CEP128: variants seen among roughly 807,000 people sequenced by gnomAD.
CEP128 encodes the protein centrosomal protein 128.
Under a neutral mutation model 156.7 loss-of-function variants are expected in CEP128, and 132 were observed. That is an observed-to-expected ratio of 0.84 (90% confidence interval 0.73 to 0.97). The LOEUF (loss-of-function observed/expected upper bound fraction) is 0.97. Among genes scored for constraint, CEP128 ranks in the 50% least tolerant of loss-of-function variants. The probability of loss-of-function intolerance (pLI) is 0.00; values close to 1 mark genes in which losing one functional copy is unlikely to be tolerated. For missense variants in CEP128, 1,252 were observed against 1,281.9 expected, an observed-to-expected ratio of 0.98 and a Z score of 0.36; for synonymous variants, 469 against 448.9, an observed-to-expected ratio of 1.04 and a Z score of -0.57.
chr14:80,933,972 G>A (rs1427110141), intron 2 of CEP128, among the ~76,000 whole-genome samples: 2 of 152,194 alleles, frequency 1.3e-5, no homozygotes, highest in Non-Finnish European at 2.9e-5. Context: ...TCTGATGCCA[G>A]GGAGGTCCGA....
chr14:80,859,655 C>T (rs1163749970), intron 9 of CEP128, among the ~76,000 whole-genome samples: 1 of 152,042 alleles, frequency 6.6e-6, no homozygotes, highest in Non-Finnish European at 1.5e-5. Context: ...GATTCCTGGG[C>T]GTGCATGGCC....
chr14:80,769,925 A>G (rs1325261559), intron 16 of CEP128, among the ~76,000 whole-genome samples: 1 of 152,232 alleles, frequency 6.6e-6, no homozygotes, highest in African/African-American at 2.4e-5. Flanking sequence ...TGAAACAGAT[A>G]TGATACAGAA....
In CEP128 at chr14:80,550,812, T is replaced by G. The variant is rs890685550; in HGVS notation, c.2880+8467A>C. ...GAGAAAGATTATTAAATGTGAAATG[T>G]AAAAAAAAAAAAAAAAAATCCAAAG... On this transcript the variant is annotated intron_variant, in intron 21 of 24. Transcript: ENST00000555265. Among the ~76,000 whole-genome samples the G allele has an allele frequency of 1.9e-3, 263 of 137,170 alleles. 1 individual carries two copies. Among genetic ancestry groups the G allele is most frequent in the Non-Finnish European group, 2.9e-3 (180 of 62,252 alleles). 90.0% of individuals were successfully genotyped at this position (137,170 alleles called of 152,430 possible). A position where few individuals can be genotyped will look rare whatever the true frequency, so the allele number is the denominator to read the frequency against.
chr14:80,515,012 A>T (rs530428990), intron 23 of CEP128, among the ~76,000 whole-genome samples: 42 of 152,208 alleles, frequency 2.8e-4, no homozygotes, highest in Non-Finnish European at 5.4e-4. Flanking sequence ...GGTCTTGAAT[A>T]AGATCCATGA....
intron 1 of CEP128, among the ~76,000 whole-genome samples, chr14:80,940,635 C>T (rs1399057685): frequency 3.3e-5 from 5 of 150,930 alleles, no homozygotes; most frequent in African/African-American, 1.2e-4. Context: ...GCCCAGACCG[C>T]GCCACTGCAG....
At chr14:80,824,677 AC>A (rs1482348019) in intron 13 of CEP128, among the ~76,000 whole-genome samples, 2 of 152,152 alleles carry the variant, frequency 1.3e-5, no homozygotes, top group Non-Finnish European at 2.9e-5. Flanking sequence ...GGACCACCTC[AC>A]CCTGGACTTT....
At chr14:80,811,545 T>C (rs150835061) in intron 13 of CEP128, among the ~76,000 whole-genome samples, 1 of 152,296 alleles carries the variant, frequency 6.6e-6, no homozygotes, top group African/African-American at 2.4e-5. Context: ...GCTTTATTGG[T>C]ACCTGTTGCT....
intron 8 of CEP128, among the ~76,000 whole-genome samples, chr14:80,885,733 C>T (rs973952705): frequency 1.3e-5 from 2 of 152,086 alleles, no homozygotes; most frequent in Non-Finnish European, 2.9e-5. Flanking sequence ...TCCAAATGAT[C>T]GCAACTCCTC....
intron 13 of CEP128, among the ~76,000 whole-genome samples, chr14:80,805,202 G>A (rs994760331): frequency 2.0e-5 from 3 of 151,836 alleles, no homozygotes; most frequent in African/African-American, 7.3e-5. Context: ...TCTAGGTTTT[G>A]GGATAAAAAT....
intron 19 of CEP128, among the ~76,000 whole-genome samples, chr14:80,676,171 T>C (rs143143991): frequency 6.6e-6 from 1 of 152,262 alleles, no homozygotes; most frequent in African/African-American, 2.4e-5. Flanking sequence ...TGATACACAG[T>C]CCTTCTATTC....
chr14:80,594,724 C>T (rs573860896), intron 19 of CEP128, among the ~76,000 whole-genome samples: 15 of 152,282 alleles, frequency 9.9e-5, no homozygotes, highest in African/African-American at 3.1e-4. Flanking sequence ...TGAAAAAAAG[C>T]TCATCATCAC....
chr14:80,854,919 G>A (rs1170286263), intron 9 of CEP128, among the ~76,000 whole-genome samples: 3 of 151,860 alleles, frequency 2.0e-5, no homozygotes, highest in Admixed American at 2.0e-4. Flanking sequence ...ATAAATAATC[G>A]GGGACAAAGC....
intron 2 of CEP128, among the ~76,000 whole-genome samples, chr14:80,926,638 T>C (rs915302122): frequency 6.6e-6 from 1 of 152,098 alleles, no homozygotes; most frequent in South Asian, 2.1e-4. Flanking sequence ...CCTGAGACAC[T>C]AGAATACCTC....
intron 13 of CEP128, chr14:80,830,268 A>AT (rs1885718012): frequency 3.2e-6 from 2 of 629,578 alleles, no homozygotes; most frequent in Admixed American, 2.6e-5. Flanking sequence ...TTTAAAAGAC[A>AT]TTTTCTATTG....
Position 80,816,406 on chromosome 14 carries a change from G to C in CEP128, c.1209+14737C>G, listed in dbSNP as rs564715363. 5.9e-5 allele frequency among the ~76,000 whole-genome samples: 9 copies of C among 152,266 alleles called. No individual in the cohort carries two copies. The East Asian group carries it at 1.5e-3, about 26-fold the overall frequency. ...TCCTTCCCCCAATCAGCCCCAACTTGTAGAGCAGAAGGTGTGGCAGGCCAA... is the reference window on the plus strand; with the variant it reads ...TCCTTCCCCCAATCAGCCCCAACTTCTAGAGCAGAAGGTGTGGCAGGCCAA... On this transcript the variant is annotated intron_variant, in intron 13 of 24. Coordinates refer to ENST00000555265, the MANE Select transcript of CEP128 (RefSeq NM_152446.5).
At chr14:80,524,219 T>C (rs141620339) in intron 23 of CEP128, among the ~76,000 whole-genome samples, 1 of 152,278 alleles carries the variant, frequency 6.6e-6, no homozygotes, top group Non-Finnish European at 1.5e-5. Context: ...AGTATGTTTG[T>C]TGCATTAAAC....
chr14:80,678,040 TA>T (rs754768782), intron 19 of CEP128, among the ~76,000 whole-genome samples: 25 of 32,512 alleles, frequency 7.7e-4, no homozygotes, highest in Non-Finnish European at 9.5e-4. Flanking sequence ...AGTTGCTCTA[TA>T]AAAAAAAAAT....
At chr14:80,653,212 A>C (rs1894984675) in intron 19 of CEP128, among the ~76,000 whole-genome samples, 1 of 152,162 alleles carries the variant, frequency 6.6e-6, no homozygotes, top group Non-Finnish European at 1.5e-5. Context: ...GAGGGATAGC[A>C]TTAGGAGAAA....
At chr14:80,606,556 T>C (rs1892786121) in intron 19 of CEP128, among the ~76,000 whole-genome samples, 1 of 152,114 alleles carries the variant, frequency 6.6e-6, no homozygotes, top group African/African-American at 2.4e-5. Flanking sequence ...TAATCATAAC[T>C]GACAGGCTAG....
Sources: gnomAD v4.1 joint callset for allele counts (sites outside exome capture counted in the v4.1 genomes callset) on GRCh38, gnomAD v4.1.1 for gene constraint, MANE v1.5 for transcripts, NCBI Gene and HGNC (gene_info 2026-07-23, HGNC 2026-07-21) for gene names.